RASAL2: variants seen among roughly 807,000 people sequenced by gnomAD.
RASAL2 encodes RAS protein activator like 2, also known as ras GTPase-activating protein nGAP.
A neutral mutation model predicts 128.9 loss-of-function variants in RASAL2; 58 were observed. That is an observed-to-expected ratio of 0.45 (90% confidence interval 0.36 to 0.56). RASAL2 has a LOEUF of 0.56. Ranked by LOEUF, RASAL2 falls within the 20% of genes least tolerant of loss-of-function variation. RASAL2 has a pLI of 0.00. For missense variants in RASAL2, 1,360 were observed against 1,601.6 expected (o/e 0.85, Z 2.57); for synonymous variants, 561 against 580.8 (o/e 0.97, Z 0.49).
At chr1:178,332,613 C>CTTT (rs72401422) in intron 3 of RASAL2, among the ~76,000 whole-genome samples, 1 of 136,130 alleles carries the variant, frequency 7.3e-6, no homozygotes, top group Non-Finnish European at 1.6e-5. Context: ...GTCTCCAATT[C>CTTT]TTTTTTTTTT....
At chr1:178,112,282 T>C (rs1467341184) in intron 1 of RASAL2, among the ~76,000 whole-genome samples, 1 of 152,152 alleles carries the variant, frequency 6.6e-6, no homozygotes, top group Non-Finnish European at 1.5e-5. Context: ...CTGGGCACGG[T>C]GGCTCATGCC....
intron 4 of RASAL2, among the ~76,000 whole-genome samples, chr1:178,404,757 C>T (rs928702419): frequency 6.8e-6 from 1 of 147,944 alleles, no homozygotes; most frequent in African/African-American, 2.5e-5. Context: ...CCTCAGCTCA[C>T]TGTAACCTCC....
chr1:178,323,880 C>A (rs1024234582), intron 3 of RASAL2, among the ~76,000 whole-genome samples: 1 of 151,932 alleles, frequency 6.6e-6, no homozygotes, highest in Admixed American at 6.6e-5. Flanking sequence ...ATATAAAAAC[C>A]ACACAAGAAG....
At chr1:178,427,008 A>G (rs778892469) in intron 5 of RASAL2, among the ~76,000 whole-genome samples, 1 of 152,138 alleles carries the variant, frequency 6.6e-6, no homozygotes, top group African/African-American at 2.4e-5. Flanking sequence ...GGATAGTAGC[A>G]GTGGAAATGG....
chr1:178,459,606 G>C (rs1678034147), intron 14 of RASAL2, among the ~76,000 whole-genome samples: 2 of 152,228 alleles, frequency 1.3e-5, no homozygotes, highest in South Asian at 4.1e-4. Flanking sequence ...GGCTGCCTCT[G>C]CCTCCAGTCT....
intron 1 of RASAL2, among the ~76,000 whole-genome samples, chr1:178,281,009 T>C (rs1007720267): frequency 1.3e-5 from 2 of 152,188 alleles, no homozygotes; most frequent in African/African-American, 4.8e-5. Flanking sequence ...TGATATAACA[T>C]AACCTATATA....
At chr1:178,116,756 C>G (rs757294866) in intron 1 of RASAL2, among the ~76,000 whole-genome samples, 19 of 152,066 alleles carry the variant, frequency 1.2e-4, no homozygotes, top group Non-Finnish European at 1.9e-4. Context: ...ATTACATGCA[C>G]CCACCACCAC....
chr1:178,291,957 A>C (rs1046678364), intron 2 of RASAL2, among the ~76,000 whole-genome samples: 6 of 148,348 alleles, frequency 4.0e-5, no homozygotes, highest in African/African-American at 1.5e-4. Context: ...AATCCTTTGA[A>C]CTCGGGAGGT....
intron 1 of RASAL2, among the ~76,000 whole-genome samples, chr1:178,145,678 C>T (rs139166551): frequency 4.7e-4 from 71 of 152,134 alleles, no homozygotes; most frequent in African/African-American, 1.1e-3. Context: ...CAGGTAGGAA[C>T]GGGTAGTCAT....
intron 3 of RASAL2, among the ~76,000 whole-genome samples, chr1:178,322,890 G>A (rs1490845429): frequency 6.6e-6 from 1 of 152,158 alleles, no homozygotes; most frequent in Non-Finnish European, 1.5e-5. Context: ...CCACAGGTAT[G>A]TATTCTGGGT....
chr1:178,372,199 T>G (rs1671760429), intron 3 of RASAL2: 8 of 985,226 alleles, frequency 8.1e-6, no homozygotes, highest in Non-Finnish European at 9.6e-6. Context: ...ACTTCATCAT[T>G]CAGTAATTGT....
intron 1 of RASAL2, among the ~76,000 whole-genome samples, chr1:178,257,421 A>ATGTGTGTG (rs1491588452): frequency 7.8e-5 from 9 of 114,654 alleles, no homozygotes; most frequent in African/African-American, 3.5e-4. Context: ...TGGCTCAGGG[A>ATGTGTGTG]TATGTGTGTG....
chr1:178,097,436 C>A (rs1658733800), intron 1 of RASAL2, among the ~76,000 whole-genome samples: 2 of 152,132 alleles, frequency 1.3e-5, no homozygotes, highest in African/African-American at 4.8e-5. Context: ...TCATGATTGT[C>A]AGGGAATTCT....
At chr1:178,213,568 A>G (rs1481891570) in intron 1 of RASAL2, among the ~76,000 whole-genome samples, 2 of 152,220 alleles carry the variant, frequency 1.3e-5, no homozygotes, top group South Asian at 4.1e-4. Flanking sequence ...CAAGTTATAT[A>G]CAACAATGTG....
chr1:178,320,863 T>C (rs1668738259), intron 3 of RASAL2, among the ~76,000 whole-genome samples: 1 of 152,204 alleles, frequency 6.6e-6, no homozygotes, highest in Non-Finnish European at 1.5e-5. Flanking sequence ...TTTACTCAAT[T>C]TAGAAACTAA....
At chr1:178,148,494 G>A (rs2101873638) in intron 1 of RASAL2, among the ~76,000 whole-genome samples, 1 of 151,914 alleles carries the variant, frequency 6.6e-6, no homozygotes, top group Non-Finnish European at 1.5e-5. Flanking sequence ...TGTCAGCCAG[G>A]CTAGAGTGCA....
At chr1:178,271,728 CT>C (rs1364895789) in intron 1 of RASAL2, among the ~76,000 whole-genome samples, 136 of 152,324 alleles carry the variant, frequency 8.9e-4, no homozygotes, top group African/African-American at 3.2e-3. Flanking sequence ...TGTCATTCCT[CT>C]GTTTAAAATT....
At chr1:178,442,189 A>T (rs76153036) in intron 7 of RASAL2, among the ~76,000 whole-genome samples, 221 of 152,260 alleles carry the variant, frequency 1.5e-3, no homozygotes, top group African/African-American at 5.2e-3. Context: ...TTGGGCAGGG[A>T]CAACTATCCA....
chr1:178,168,178 A>G lies in RASAL2; in HGVS notation c.202+73484A>G, dbSNP rs375542090. Among the ~76,000 whole-genome samples, 6 of 151,568 alleles carry G rather than the reference A, an allele frequency of 4.0e-5. No individual in the cohort carries two copies. The East Asian group carries it at 1.2e-3, about 29-fold the overall frequency. Reference sequence around the variant, plus strand: ...ATCCTGTACACTTTTAAACTTAAATACTCTCCCCAGTTTTAACAAACATTT... The same window carrying G: ...ATCCTGTACACTTTTAAACTTAAATGCTCTCCCCAGTTTTAACAAACATTT... On this transcript the variant is annotated intron_variant, in intron 1 of 17. Transcript: ENST00000367649.
Sources: gnomAD v4.1 joint callset for allele counts (sites outside exome capture counted in the v4.1 genomes callset) on GRCh38, gnomAD v4.1.1 for gene constraint, MANE v1.5 for transcripts, NCBI Gene and HGNC (gene_info 2026-07-23, HGNC 2026-07-21) for gene names.